The following PLCE1 variants were observed in gnomAD, a reference collection of about 807,000 sequenced individuals.
PLCE1 encodes 1-phosphatidylinositol 4,5-bisphosphate phosphodiesterase epsilon-1.
In PLCE1, 119 loss-of-function variants were observed where a neutral mutation model predicts 242.8. The observed-to-expected ratio is 0.49, with a 90% CI of 0.42 to 0.57. The LOEUF (loss-of-function observed/expected upper bound fraction) is 0.57. Among genes scored for constraint, PLCE1 ranks in the 20% least tolerant of loss-of-function variants. The pLI, the probability that PLCE1 is intolerant of heterozygous loss-of-function variation, is 0.00. For missense variants in PLCE1, 2,441 were observed against 2,788.8 expected (o/e 0.88, Z 2.81); for synonymous variants, 945 against 1,017.4 (o/e 0.93, Z 1.35).
At chr10:94,008,908 T>C (rs1180049811) in intron 1 of PLCE1, among the ~76,000 whole-genome samples, 1 of 152,138 alleles carries the variant, frequency 6.6e-6, no homozygotes, top group African/African-American at 2.4e-5. Flanking sequence ...GCCGTGTGTA[T>C]GGGTTTTGCA....
chr10:94,249,180 T>A (rs1297062554), intron 8 of PLCE1, among the ~76,000 whole-genome samples: 1 of 152,186 alleles, frequency 6.6e-6, no homozygotes, highest in East Asian at 1.9e-4. Context: ...ATTTATGAAG[T>A]CAGGCAACGT....
intron 2 of PLCE1, among the ~76,000 whole-genome samples, chr10:94,057,478 T>A (rs2043939279): frequency 6.6e-6 from 1 of 152,174 alleles, no homozygotes; most frequent in Non-Finnish European, 1.5e-5. Context: ...TACAATGACA[T>A]TTGTATGCAT....
intron 2 of PLCE1, among the ~76,000 whole-genome samples, chr10:94,097,454 C>T (rs1411012466): frequency 6.6e-6 from 1 of 152,172 alleles, no homozygotes; most frequent in African/African-American, 2.4e-5. Flanking sequence ...GCACCCACAA[C>T]AGTGTGCCAA....
At chr10:94,024,186 G>T (rs1351486277) in intron 1 of PLCE1, among the ~76,000 whole-genome samples, 1 of 152,162 alleles carries the variant, frequency 6.6e-6, no homozygotes, top group Non-Finnish European at 1.5e-5. Flanking sequence ...TAATCTCTTT[G>T]CTGAGTGGGC....
At chr10:94,315,243 G>A in intron 28 of PLCE1, 6 of 352,578 alleles carry the variant, frequency 1.7e-5, no homozygotes, top group South Asian at 1.3e-4. Context: ...CACTCCCACT[G>A]CCCTCAGTCC....
chr10:94,210,521 C>G lies in PLCE1; in HGVS notation c.1810-16785C>G, dbSNP rs150211348. The stretch of plus-strand genomic sequence containing the variant: ...CTTGCTCACCAAAATCACTCAAGTC[C>G]TTCCAGCTGCATGGCCCCAGTCTCC... On this transcript the variant is annotated intron_variant, in intron 4 of 32. Coordinates refer to ENST00000371380, the MANE Select transcript of PLCE1 (RefSeq NM_016341.4). Among the ~76,000 whole-genome samples the G allele has an allele frequency of 2.4e-3, 373 of 152,282 alleles. 1 individual carries two copies. The highest frequency in any genetic ancestry group is 6.4e-3 in the African/African-American group (267 of 41,562).
intron 4 of PLCE1, among the ~76,000 whole-genome samples, chr10:94,171,798 C>G (rs2047988860): frequency 1.3e-5 from 2 of 152,132 alleles, no homozygotes; most frequent in Non-Finnish European, 2.9e-5. Flanking sequence ...CCTTCCTCTC[C>G]CCTACCAACC....
At chr10:94,310,881 C>T (rs2053366592) in intron 27 of PLCE1, among the ~76,000 whole-genome samples, 1 of 152,164 alleles carries the variant, frequency 6.6e-6, no homozygotes, top group South Asian at 2.1e-4. Flanking sequence ...CAAGACTACT[C>T]CTACTTCAGA....
chr10:94,316,976 C>G (rs775325875), intron 29 of PLCE1, among the ~76,000 whole-genome samples: 3 of 152,204 alleles, frequency 2.0e-5, no homozygotes, highest in African/African-American at 7.2e-5. Flanking sequence ...TTAGACCGGG[C>G]GTGGTGGCTC....
intron 2 of PLCE1, among the ~76,000 whole-genome samples, chr10:94,128,498 T>C (rs2046500595): frequency 6.6e-6 from 1 of 152,220 alleles, no homozygotes. Flanking sequence ...GTTCAGAGCT[T>C]CATTCACAGA....
chr10:94,031,077 C>T lies in PLCE1; in HGVS notation c.31C>T (p.Leu11Phe), dbSNP rs900776425. 2 of 1,613,674 alleles carry T rather than the reference C, an allele frequency of 1.2e-6. No individual in the cohort carries two copies. Among genetic ancestry groups the T allele is most frequent in the East Asian group, 2.2e-5 (1 of 44,860 alleles). MTSEEMTASV[L>F]IPVTQRKVVS... ...TTCTGAAGAAATGACAGCTTCTGTT[C>T]TCATACCTGTGACTCAGAGAAAAGT... The change falls in exon 2 of 33, where the codon CTC becomes TTC. Residue 11 changes from leucine (L) to phenylalanine (F), a missense_variant. By Grantham distance (22) the Leu-to-Phe change is conservative. This residue lies in a region of PLCE1 where 393 missense variants were observed against 378.5 expected (regional missense o/e 1.04). Transcript: ENST00000371380.
At chr10:94,253,754 A>C (rs1159848682) in intron 9 of PLCE1, among the ~76,000 whole-genome samples, 2 of 152,200 alleles carry the variant, frequency 1.3e-5, no homozygotes, top group African/African-American at 4.8e-5. Flanking sequence ...ATCCACCCCC[A>C]TGATCCAAAC....
intron 32 of PLCE1, among the ~76,000 whole-genome samples, chr10:94,326,683 A>C (rs1257982184): frequency 1.3e-5 from 2 of 152,208 alleles, no homozygotes; most frequent in Non-Finnish European, 2.9e-5. Flanking sequence ...CTAATTGCTT[A>C]TATTTTAGGA....
intron 1 of PLCE1, among the ~76,000 whole-genome samples, chr10:94,014,415 G>A (rs1369321475): frequency 6.8e-6 from 1 of 146,914 alleles, no homozygotes; most frequent in Non-Finnish European, 1.5e-5. Flanking sequence ...ACCAACCTGA[G>A]CAACATAGAG....
intron 4 of PLCE1, among the ~76,000 whole-genome samples, chr10:94,217,841 C>A (rs1251491377): frequency 2.0e-5 from 3 of 152,050 alleles, no homozygotes; most frequent in African/African-American, 7.2e-5. Flanking sequence ...TAGAAAGATA[C>A]CCAGAATAAC....
intron 23 of PLCE1, among the ~76,000 whole-genome samples, chr10:94,295,632 A>T (rs892103928): frequency 1.3e-5 from 2 of 151,680 alleles, no homozygotes; most frequent in East Asian, 3.8e-4. Flanking sequence ...AGAATGGTGA[A>T]TTCTTTCTAG....
At chr10:94,093,150 G>T (rs1191085386) in intron 2 of PLCE1, among the ~76,000 whole-genome samples, 1 of 152,162 alleles carries the variant, frequency 6.6e-6, no homozygotes, top group Non-Finnish European at 1.5e-5. Context: ...ACTTTTGAAA[G>T]TCTAGCAGCC....
In PLCE1 at chr10:94,227,065, C is replaced by T. The variant is rs138485709; in HGVS notation, c.1810-241C>T. 12 of 423,872 alleles carry T rather than the reference C, an allele frequency of 2.8e-5. No homozygotes were observed. The East Asian group carries it at 3.1e-4, about 11-fold the overall frequency. 26.3% of individuals were successfully genotyped at this position (423,872 alleles called of 1,614,324 possible). A position where few individuals can be genotyped will look rare whatever the true frequency, so the allele number is the denominator to read the frequency against. ...CTAATTTTTGTATTTTTAGTAGAAA[C>T]GGGCTTTCACCACGCTGGCCAGGCT... On this transcript the variant is annotated intron_variant, in intron 4 of 32. Coordinates refer to ENST00000371380, the MANE Select transcript of PLCE1 (RefSeq NM_016341.4).
chr10:94,136,270 A>G (rs566749991), intron 3 of PLCE1, among the ~76,000 whole-genome samples: 1 of 152,210 alleles, frequency 6.6e-6, no homozygotes, highest in East Asian at 1.9e-4. Context: ...TTTACGGGCT[A>G]TAGAGTTTCT....
Sources: gnomAD v4.1 joint callset for allele counts (sites outside exome capture counted in the v4.1 genomes callset) on GRCh38, gnomAD v4.1.1 for gene constraint, gnomAD v4.1.1 regional missense constraint, MANE v1.5 for transcripts, NCBI Gene and HGNC (gene_info 2026-07-23, HGNC 2026-07-21) for gene names.